ZSCAN4: variants seen among roughly 807,000 people sequenced by gnomAD.
The protein encoded by ZSCAN4 is zinc finger and SCAN domain containing 4.
Under a neutral mutation model 18.3 loss-of-function variants are expected in ZSCAN4, and 18 were observed. The ratio of observed to expected loss-of-function variants is 0.98; its 90% CI spans 0.68 to 1.46. ZSCAN4 has a LOEUF of 1.46. Among genes scored for constraint, ZSCAN4 ranks in the 40% most tolerant of loss-of-function variants. The pLI is 0.00. For synonymous variants in ZSCAN4, 193 were observed against 180.3 expected (o/e 1.07, Z -0.57); for missense variants, 498 against 511.4 (o/e 0.97, Z 0.25).
upstream of ZSCAN4, chr19:57,664,961 C>T (rs1983817247): frequency 6.3e-6 from 1 of 159,012 alleles, no homozygotes; most frequent in Non-Finnish European, 1.4e-5. Context: ...GGAGACCGGC[C>T]TGGGATTGAT....
chr19:57,668,968 G>T (rs1354182720), exon 1 of ZSCAN4: 1 of 150,756 alleles, frequency 6.6e-6, no homozygotes, highest in Non-Finnish European at 1.5e-5. Flanking sequence ...AAACTTAAAA[G>T]TTTGAGCAAA....
At chr19:57,672,519 A>G (rs1340190437) in intron 2 of ZSCAN4, among the ~76,000 whole-genome samples, 1 of 151,824 alleles carries the variant, frequency 6.6e-6, no homozygotes, top group African/African-American at 2.4e-5. Context: ...ACAATGTGAC[A>G]CTTCTCTCTC....
chr19:57,656,363 GT>G, the ZSCAN4 span, among the ~76,000 whole-genome samples: 19 of 152,180 alleles, frequency 1.2e-4, no homozygotes, highest in Non-Finnish European at 2.4e-4. Context: ...GAAGGCTGAT[GT>G]TATCTTGACA....
chr19:57,674,568 C>T (rs561589785), intron 2 of ZSCAN4, among the ~76,000 whole-genome samples: 1 of 152,006 alleles, frequency 6.6e-6, no homozygotes, highest in Non-Finnish European at 1.5e-5. Flanking sequence ...TCCAGTCAAC[C>T]ACTGGTAGAC....
At chr19:57,669,082 A>G (rs1282759950) in exon 1 of ZSCAN4, 2 of 97,544 alleles carry the variant, frequency 2.1e-5, no homozygotes, top group African/African-American at 6.3e-5. Flanking sequence ...TTTTTTTGAG[A>G]CACAGTCTCG....
chr19:57,652,717 CAG>C, the ZSCAN4 span, among the ~76,000 whole-genome samples: 1 of 152,200 alleles, frequency 6.6e-6, no homozygotes, highest in Non-Finnish European at 1.5e-5. Context: ...AAAACCCTTT[CAG>C]AGTCCTTCCC....
exon 2 of ZSCAN4, chr19:57,670,539 G>A (rs898565043): frequency 6.6e-6 from 1 of 152,200 alleles, no homozygotes; most frequent in Non-Finnish European, 1.5e-5. Context: ...CTCAGTGTTC[G>A]GCCCGGGATT....
chr19:57,666,178 G>A (rs1319651279), upstream of ZSCAN4, among the ~76,000 whole-genome samples: 1 of 152,164 alleles, frequency 6.6e-6, no homozygotes, highest in Non-Finnish European at 1.5e-5. Context: ...TACAGGTCCT[G>A]TACAGACTCG....
At chr19:57,662,003 C>A in the ZSCAN4 span, among the ~76,000 whole-genome samples, 1 of 151,606 alleles carries the variant, frequency 6.6e-6, no homozygotes, top group African/African-American at 2.4e-5. Flanking sequence ...ATCACTTGAA[C>A]CTGGAAGGCA....
the ZSCAN4 span, among the ~76,000 whole-genome samples, chr19:57,661,466 A>G: frequency 6.6e-6 from 1 of 151,998 alleles, no homozygotes; most frequent in Non-Finnish European, 1.5e-5. Flanking sequence ...AATGCTTTCA[A>G]CTCCAACACG....
At chr19:57,667,051 C>T (rs571161329), upstream of ZSCAN4, among the ~76,000 whole-genome samples, 24 of 152,218 alleles carry the variant, frequency 1.6e-4, no homozygotes, top group South Asian at 5.0e-3. Context: ...TGGATGTAAA[C>T]GGGTCATCTA....
upstream of ZSCAN4, among the ~76,000 whole-genome samples, chr19:57,666,269 C>T (rs1271887916): frequency 1.3e-5 from 2 of 152,130 alleles, no homozygotes; most frequent in Non-Finnish European, 2.9e-5. Flanking sequence ...CACGCACCTC[C>T]ATGAGATCCT....
chr19:57,653,904 A>G, the ZSCAN4 span, among the ~76,000 whole-genome samples: 1 of 152,138 alleles, frequency 6.6e-6, no homozygotes, highest in East Asian at 1.9e-4. Flanking sequence ...GACCACCTCT[A>G]ACTCAAACAG....
chr19:57,652,580 C>T, the ZSCAN4 span, among the ~76,000 whole-genome samples: 3 of 152,116 alleles, frequency 2.0e-5, no homozygotes, highest in African/African-American at 7.2e-5. Context: ...TCCTCCTTCT[C>T]CTTTGGTTCC....
Position 57,678,553 on chromosome 19 carries a change from G to A in ZSCAN4, c.950G>A (p.Cys317Tyr), listed in dbSNP as rs367656125. ...CAAAAATCATACAAATGTGAAGAAT[G>A]CCCCAAGGTCTTTAAGTATCTCTGT... is the stretch of plus-strand genomic sequence containing the variant. Residue 317 changes from cysteine to tyrosine, a missense_variant, in exon 5 of 5, where the codon TGC becomes TAC. Coordinates refer to ENST00000318203, the Ensembl canonical transcript of ZSCAN4. 2.5e-6 allele frequency: 4 copies of A among 1,613,956 alleles called. No homozygotes were observed. The African/African-American group carries it at 5.3e-5, about 22-fold the overall frequency.
upstream of ZSCAN4, among the ~76,000 whole-genome samples, chr19:57,667,358 C>T (rs1983883315): frequency 6.6e-6 from 1 of 152,160 alleles, no homozygotes; most frequent in Admixed American, 6.5e-5. Flanking sequence ...CTTAATGTAG[C>T]ATTCAGAGTC....
chr19:57,669,059 T>TTCC (rs1555807404), exon 1 of ZSCAN4: 1 of 77,490 alleles, frequency 1.3e-5, no homozygotes, highest in African/African-American at 5.5e-5. Flanking sequence ...TATATTTTCC[T>TTCC]TTTTTTTTTT....
chr19:57,676,160 A>G, exon 3 of ZSCAN4: 1 of 1,610,342 alleles, frequency 6.2e-7, no homozygotes, highest in Non-Finnish European at 8.5e-7. Flanking sequence ...CTTTAGATCT[A>G]AGAACCATAT....
chr19:57,670,280 TG>T lies in ZSCAN4; in HGVS notation c.-391del, dbSNP rs1294660033. On this transcript the variant is annotated 5_prime_UTR_variant, in exon 2 of 5. It removes the in-frame stop codon of an upstream open reading frame in the 5' UTR. Transcript: ENST00000318203. ...GGTATAGAACACTGTATTAGAGACA[TG>T]GAGCTGGGGCTGGATGAAGATTCCA... 8 of 152,388 alleles carry T rather than the reference TG, an allele frequency of 5.2e-5. No homozygotes were observed. Among genetic ancestry groups the T allele is most frequent in the African/African-American group, 1.9e-4 (8 of 41,568 alleles). 9.4% of individuals were successfully genotyped at this position (152,388 alleles called of 1,614,324 possible). A position where few individuals can be genotyped will look rare whatever the true frequency, so the allele number is the denominator to read the frequency against.
Sources: allele counts gnomAD v4.1 joint callset (sites outside exome capture counted in the v4.1 genomes callset), GRCh38; gene constraint gnomAD v4.1.1; transcripts MANE v1.5; gene names NCBI Gene and HGNC (gene_info 2026-07-23, HGNC 2026-07-21).